The following SULF1 variants were observed in gnomAD, a reference collection of about 807,000 sequenced individuals.
The protein encoded by SULF1 is sulfatase 1.
A neutral mutation model predicts 110.5 loss-of-function variants in SULF1; 46 were observed. The observed-to-expected ratio is 0.42, with a 90% CI of 0.33 to 0.53. The LOEUF (loss-of-function observed/expected upper bound fraction) is 0.53, where lower values mean the gene tolerates loss of function less well. Among genes scored for constraint, SULF1 ranks in the 20% least tolerant of loss-of-function variants. The pLI is 0.12. For synonymous variants in SULF1, 371 were observed against 387.1 expected, an observed-to-expected ratio of 0.96 and a Z score of 0.49; for missense variants, 941 against 1,094.2, an observed-to-expected ratio of 0.86 and a Z score of 1.98.
intron 3 of SULF1, among the ~76,000 whole-genome samples, chr8:69,523,051 G>A (rs1812419286): frequency 6.6e-6 from 1 of 152,158 alleles, no homozygotes; most frequent in Admixed American, 6.6e-5. Flanking sequence ...TGTTTATATG[G>A]TAACACGAGT....
intron 3 of SULF1, among the ~76,000 whole-genome samples, chr8:69,530,135 A>G (rs368328647): frequency 1.3e-5 from 2 of 152,150 alleles, no homozygotes; most frequent in South Asian, 4.1e-4. Flanking sequence ...TCTTCCCAGG[A>G]GAGCTAGCGC....
chr8:69,606,790 C>A (rs72658276), intron 13 of SULF1, among the ~76,000 whole-genome samples: 34 of 152,194 alleles, frequency 2.2e-4, no homozygotes, highest in African/African-American at 7.5e-4. Flanking sequence ...GAAATGCTTT[C>A]ATATCTGGAA....
intron 3 of SULF1, among the ~76,000 whole-genome samples, chr8:69,537,630 G>C (rs913223121): frequency 6.6e-5 from 10 of 152,172 alleles, no homozygotes; most frequent in Non-Finnish European, 1.3e-4. Flanking sequence ...TAAAGTTCAG[G>C]TGTTTACCAT....
chr8:69,563,265 T>C (rs996369759), intron 3 of SULF1: 3 of 152,220 alleles, frequency 2.0e-5, no homozygotes, highest in Admixed American at 1.3e-4. Flanking sequence ...GTCAGCTCTG[T>C]TGGGGATGTG....
chr8:69,497,448 G>A (rs555088163), intron 2 of SULF1, among the ~76,000 whole-genome samples: 2 of 152,186 alleles, frequency 1.3e-5, no homozygotes, highest in East Asian at 3.9e-4. Flanking sequence ...GAGCCACCAG[G>A]CCCGGCCCAG....
At chr8:69,470,981 A>C (rs1409128155) in intron 1 of SULF1, among the ~76,000 whole-genome samples, 2 of 152,150 alleles carry the variant, frequency 1.3e-5, no homozygotes, top group African/African-American at 2.4e-5. Flanking sequence ...CTAAGTCTAC[A>C]TTCATAAGCC....
At chr8:69,583,032 G>T (rs1160425574) in intron 6 of SULF1, among the ~76,000 whole-genome samples, 1 of 152,192 alleles carries the variant, frequency 6.6e-6, no homozygotes, top group South Asian at 2.1e-4. Context: ...ACTGATCAAC[G>T]TGCTCAGTGC....
intron 8 of SULF1, among the ~76,000 whole-genome samples, chr8:69,591,078 C>CA (rs1484960931): frequency 6.6e-6 from 1 of 152,108 alleles, no homozygotes; most frequent in East Asian, 1.9e-4. Flanking sequence ...GTTGACAAAA[C>CA]AGAGTGTTTT....
At chr8:69,531,651 T>C (rs1485346607) in intron 3 of SULF1, among the ~76,000 whole-genome samples, 2 of 152,254 alleles carry the variant, frequency 1.3e-5, no homozygotes, top group East Asian at 3.8e-4. Context: ...AGCTGAAAAG[T>C]CAGATTTATT....
At chr8:69,564,502 T>A (rs1397354827) in intron 5 of SULF1, among the ~76,000 whole-genome samples, 2 of 152,168 alleles carry the variant, frequency 1.3e-5, no homozygotes, top group East Asian at 3.9e-4. Context: ...TGACTGTAAT[T>A]TTATGCAATG....
chr8:69,557,574 C>T (rs1815196625), intron 3 of SULF1, among the ~76,000 whole-genome samples: 1 of 152,176 alleles, frequency 6.6e-6, no homozygotes, highest in Admixed American at 6.5e-5. Context: ...TATTTTCTTC[C>T]TCCCTGAGAA....
chr8:69,489,977 G>A (rs1227501560), upstream of SULF1, among the ~76,000 whole-genome samples: 2 of 152,108 alleles, frequency 1.3e-5, no homozygotes, highest in Non-Finnish European at 2.9e-5. Context: ...GGCTCTGTCT[G>A]AAACTACTGG....
At chr8:69,484,423 C>CTT (rs1809618600) in intron 1 of SULF1, among the ~76,000 whole-genome samples, 1 of 152,148 alleles carries the variant, frequency 6.6e-6, no homozygotes, top group Non-Finnish European at 1.5e-5. Context: ...CTTACATGAT[C>CTT]TAAATACTTA....
At chr8:69,614,468 A>T (rs1310277864) in intron 13 of SULF1, among the ~76,000 whole-genome samples, 2 of 152,250 alleles carry the variant, frequency 1.3e-5, no homozygotes, top group Non-Finnish European at 2.9e-5. Flanking sequence ...CTATCAAGCA[A>T]GAGTTAAATA....
At chr8:69,524,609 G>A (rs1040277447) in intron 3 of SULF1, among the ~76,000 whole-genome samples, 2 of 151,986 alleles carry the variant, frequency 1.3e-5, no homozygotes, top group African/African-American at 2.4e-5. Flanking sequence ...AGACTTGGAG[G>A]GAGCAAAAAT....
At position 69,625,363 on chromosome 8, in the gene SULF1, G is replaced by T. The variant is rs1361345183; in HGVS notation, c.1850+1166G>T. On this transcript the variant is annotated intron_variant, in intron 15 of 22. Coordinates refer to ENST00000402687, the MANE Select transcript of SULF1 (RefSeq NM_001128205.2). Reference sequence around the variant, plus strand: ...ACACCATCCACCCATGTGACATTTTGTCCTCACTGGTGGCTAGAACCTATT... The same window carrying T: ...ACACCATCCACCCATGTGACATTTTTTCCTCACTGGTGGCTAGAACCTATT... 2.0e-5 allele frequency among the ~76,000 whole-genome samples: 3 copies of T among 152,224 alleles called. No individual in the cohort carries two copies. The East Asian group carries it at 5.8e-4, about 29-fold the overall frequency.
Position 69,633,310 on chromosome 8 carries a change from T to C in SULF1, c.2284+3631T>C, listed in dbSNP as rs1303384200. On this transcript the variant is annotated intron_variant, in intron 19 of 22. Coordinates refer to ENST00000402687, the MANE Select transcript of SULF1 (RefSeq NM_001128205.2). ...TCCATAGATGTGCTTCACGGCATGC[T>C]GAGTCAATCAGGACATTCTTTTTTT... is the stretch of plus-strand genomic sequence containing the variant. Among the ~76,000 whole-genome samples, 4 of 151,540 alleles carry C rather than the reference T, an allele frequency of 2.6e-5. No homozygotes were observed. In the East Asian group the frequency reaches 7.7e-4, roughly 29 times the overall value.
At chr8:69,614,928 G>A (rs762745918) in intron 13 of SULF1, among the ~76,000 whole-genome samples, 13 of 152,334 alleles carry the variant, frequency 8.5e-5, no homozygotes, top group African/African-American at 2.4e-4. Context: ...GAAGGAGAAC[G>A]GAAATAATGT....
At chr8:69,511,767 T>C (rs1031543984) in intron 3 of SULF1, among the ~76,000 whole-genome samples, 2 of 152,230 alleles carry the variant, frequency 1.3e-5, no homozygotes, top group Admixed American at 1.3e-4. Context: ...AGTGTTGTTT[T>C]TTCTATGGGT....
Sources: gnomAD v4.1 joint callset for allele counts (sites outside exome capture counted in the v4.1 genomes callset) on GRCh38, gnomAD v4.1.1 for gene constraint, MANE v1.5 for transcripts, NCBI Gene and HGNC (gene_info 2026-07-23, HGNC 2026-07-21) for gene names.